The following BRF1 variants were observed in gnomAD, a reference collection of about 807,000 sequenced individuals.
BRF1 encodes BRF1 general transcription factor IIIB subunit, also known as transcription factor IIIB 90 kDa subunit.
A neutral mutation model predicts 81.7 loss-of-function variants in BRF1; 59 were observed. The ratio of observed to expected loss-of-function variants is 0.72; its 90% CI spans 0.59 to 0.90. BRF1 has a LOEUF of 0.90. Ranked by LOEUF, BRF1 falls within the 40% of genes least tolerant of loss-of-function variation. The pLI is 0.00. For synonymous variants in BRF1, 491 were observed against 395.6 expected, an observed-to-expected ratio of 1.24 and a Z score of -2.86; for missense variants, 1,050 against 936.3, an observed-to-expected ratio of 1.12 and a Z score of -1.58.
intron 6 of BRF1, among the ~76,000 whole-genome samples, chr14:105,241,009 G>A (rs1030942191): frequency 6.6e-6 from 1 of 152,182 alleles, no homozygotes; most frequent in East Asian, 1.9e-4. Flanking sequence ...CCAGAAGTAG[G>A]CAACCTGGGG....
chr14:105,240,992 C>T (rs1048108283), intron 6 of BRF1, among the ~76,000 whole-genome samples: 3 of 152,222 alleles, frequency 2.0e-5, no homozygotes, highest in Admixed American at 6.5e-5. Flanking sequence ...GCCCATGCAG[C>T]CGCACCCCAG....
intron 3 of BRF1, among the ~76,000 whole-genome samples, chr14:105,260,944 T>TC (rs1230893538): frequency 1.3e-5 from 2 of 152,176 alleles, no homozygotes; most frequent in African/African-American, 2.4e-5. Context: ...AGCCTACAGG[T>TC]CCCCCAGCTA....
At position 105,300,759 on chromosome 14, in the gene BRF1, A is replaced by G. The variant is rs1419483554; in HGVS notation, c.-130T>C. 6 of 692,354 alleles carry G rather than the reference A, an allele frequency of 8.7e-6. No individual in the cohort carries two copies. The Admixed American group carries it at 2.4e-4, about 28-fold the overall frequency. 42.9% of individuals were successfully genotyped at this position (692,354 alleles called of 1,614,324 possible). A position where few individuals can be genotyped will look rare whatever the true frequency, so the allele number is the denominator to read the frequency against. Reference sequence around the variant, plus strand: ...CGCCGCTCTCGCGAGGCCCCGCTCCAGCCGATTCGCAGCCGCAGATTCGCC... The same window carrying G: ...CGCCGCTCTCGCGAGGCCCCGCTCCGGCCGATTCGCAGCCGCAGATTCGCC... On this transcript the variant is annotated 5_prime_UTR_variant, in exon 1 of 18. Transcript: ENST00000547530.
At chr14:105,292,286 C>T (rs587613483) in intron 1 of BRF1, among the ~76,000 whole-genome samples, 1 of 152,142 alleles carries the variant, frequency 6.6e-6, no homozygotes, top group East Asian at 1.9e-4. Context: ...CGGGTTCAAG[C>T]GATTCTCATG....
At chr14:105,215,845 GAC>G (rs141968646) in intron 15 of BRF1, among the ~76,000 whole-genome samples, 96 of 118,392 alleles carry the variant, frequency 8.1e-4, no homozygotes, top group African/African-American at 1.4e-3. Context: ...TGCATACACA[GAC>G]ACAGGCACAC....
intron 5 of BRF1, chr14:105,241,660 G>C: frequency 1.8e-6 from 1 of 568,262 alleles, no homozygotes; most frequent in Non-Finnish European, 3.1e-6. Context: ...GGGCCAGGCA[G>C]CGTGCTCCTA....
chr14:105,291,912 C>T (rs1420057642), intron 1 of BRF1, among the ~76,000 whole-genome samples: 2 of 152,030 alleles, frequency 1.3e-5, no homozygotes, highest in South Asian at 4.2e-4. Context: ...GCAGGAAAAT[C>T]GCTTGAACCC....
intron 5 of BRF1, chr14:105,249,831 G>C: frequency 6.2e-7 from 1 of 1,613,434 alleles, no homozygotes; most frequent in Non-Finnish European, 8.5e-7. Context: ...CTGACGCAGC[G>C]CTGCTGGGAG....
chr14:105,289,961 G>GATCACC (rs2140498435), intron 1 of BRF1, among the ~76,000 whole-genome samples: 1 of 152,240 alleles, frequency 6.6e-6, no homozygotes, highest in South Asian at 2.1e-4. Context: ...TTCGAATTAA[G>GATCACC]ATCACCATTC....
chr14:105,286,243 TC>T lies in BRF1; in HGVS notation c.265+52del. 3 of 1,552,854 alleles carry T rather than the reference TC, an allele frequency of 1.9e-6. No individual in the cohort carries two copies. The South Asian group carries it at 3.5e-5, about 18-fold the overall frequency. On this transcript the variant is annotated intron_variant, in intron 2 of 17. Coordinates refer to ENST00000547530, the MANE Select transcript of BRF1 (RefSeq NM_001519.4). ...AGTGCCCTCCACCCTAGCACCACCA[TC>T]CCCATCTCTGGGACCCGCCGCACGC...
chr14:105,243,762 G>A (rs1049869082), intron 5 of BRF1, among the ~76,000 whole-genome samples: 1 of 151,836 alleles, frequency 6.6e-6, no homozygotes, highest in Non-Finnish European at 1.5e-5. Flanking sequence ...TTGGGAGGCC[G>A]AGGAGGGTGG....
chr14:105,272,773 G>A lies in BRF1; in HGVS notation c.387C>T (p.Ala129=), dbSNP rs1298640400. The A allele has an allele frequency of 1.5e-5, 24 of 1,613,772 alleles. No individual in the cohort carries two copies. In the Admixed American group the frequency reaches 3.8e-4, roughly 26 times the overall value. Reference sequence around the variant, plus strand: ...GGTAGAGGCAGGCAGCAATCACGTGGGCCATCTTCCGGCCGCGGGTCAGGT... The same window carrying A: ...GGTAGAGGCAGGCAGCAATCACGTGAGCCATCTTCCGGCCGCGGGTCAGGT... The part of the protein sequence containing the change: ...SRHLTRGRKM[A]HVIAACLYLV... Residue 129 remains alanine, a synonymous_variant, in exon 3 of 18, where the codon GCC becomes GCT. Transcript: ENST00000547530.
intron 5 of BRF1, chr14:105,249,044 G>A (rs1425087967): frequency 1.6e-5 from 21 of 1,274,772 alleles, no homozygotes; most frequent in East Asian, 3.4e-5. Context: ...ACCACCAGGA[G>A]AGCCCCGGCT....
chr14:105,243,492 G>C (rs587672926), intron 5 of BRF1, among the ~76,000 whole-genome samples: 1 of 150,754 alleles, frequency 6.6e-6, no homozygotes, highest in Non-Finnish European at 1.5e-5. Flanking sequence ...TAGTGGGTGT[G>C]GTCTAGTCCC....
chr14:105,217,891 G>A (rs1891595679), intron 14 of BRF1, 91 bp from the exon 15 acceptor site: 2 of 1,545,512 alleles, frequency 1.3e-6, no homozygotes, highest in African/African-American at 2.7e-5. Context: ...AGTGCAGGCG[G>A]GTGAGGCCTG....
At chr14:105,293,182 G>A (rs148021972) in intron 1 of BRF1, among the ~76,000 whole-genome samples, 1 of 152,276 alleles carries the variant, frequency 6.6e-6, no homozygotes, top group African/African-American at 2.4e-5. Flanking sequence ...AGGCCGCAGG[G>A]AGAGGCTGGC....
Position 105,220,075 on chromosome 14 carries a change from A to C in BRF1, c.1371T>G (p.Ile457Met), listed in dbSNP as rs755399571. Reference sequence around the variant, plus strand: ...AAGGGGTGCTGCCACGTACCCTGTCAATCTCCAGGTCATCAATGCCACTGA... The same window carrying C: ...AAGGGGTGCTGCCACGTACCCTGTCCATCTCCAGGTCATCAATGCCACTGA... ...LDLSGIDDLE[I>M]DRYILNESEA... The change falls in exon 12 of 18, where the codon ATT becomes ATG. Residue 457 changes from isoleucine (I) to methionine (M), a missense_variant. Ile to Met is a conservative substitution (Grantham distance 10, BLOSUM62 1). This residue lies in a region of BRF1 where 1,043 missense variants were observed against 915.4 expected (regional missense o/e 1.14). Transcript: ENST00000547530. The C allele has an allele frequency of 6.2e-7, 1 of 1,612,974 alleles. No homozygotes were observed. The highest frequency in any genetic ancestry group is 8.5e-7 in the Non-Finnish European group (1 of 1,180,002).
At chr14:105,228,997 C>T (rs946027626) in intron 6 of BRF1, 84 bp from the exon 7 acceptor site, 7 of 1,265,374 alleles carry the variant, frequency 5.5e-6, no homozygotes, top group South Asian at 4.8e-5. Flanking sequence ...CACTGCGGAT[C>T]CCGGTCACGG....
rs1300396692 is a variant in BRF1, at chr14:105,210,978, CAA to C, written c.1996+142_1996+143del. ...CCTCACAATCGACATGACCAATTTA[CAA>C]AATGTCTTAGTTCAAATTTCTTTCC... On this transcript the variant is annotated intron_variant, in intron 17 of 17. Coordinates refer to ENST00000547530, the MANE Select transcript of BRF1 (RefSeq NM_001519.4). This position sits in a 1 kb window ranked among gnomAD's most constrained non-coding sequence, Gnocchi z 4.7. The C allele has an allele frequency of 6.9e-7, 1 of 1,442,278 alleles. No individual in the cohort carries two copies. Among genetic ancestry groups the C allele is most frequent in the Non-Finnish European group, 9.3e-7 (1 of 1,074,352 alleles). 89.3% of individuals were successfully genotyped at this position (1,442,278 alleles called of 1,614,324 possible). A position where few individuals can be genotyped will look rare whatever the true frequency, so the allele number is the denominator to read the frequency against.
Sources: gnomAD v4.1 joint callset for allele counts (sites outside exome capture counted in the v4.1 genomes callset) on GRCh38, gnomAD v4.1.1 for gene constraint, gnomAD v4.1.1 regional missense constraint, Gnocchi (gnomAD v3.1) non-coding constraint, MANE v1.5 for transcripts, NCBI Gene and HGNC (gene_info 2026-07-23, HGNC 2026-07-21) for gene names.